TNK2: variants seen among roughly 807,000 people sequenced by gnomAD.
TNK2 encodes tyrosine kinase non receptor 2.
A neutral mutation model predicts 101.8 loss-of-function variants in TNK2; 83 were observed. That is an observed-to-expected ratio of 0.82 (90% CI 0.68 to 0.98). The LOEUF (loss-of-function observed/expected upper bound fraction) is 0.98, where lower values mean the gene tolerates loss of function less well. Ranked by LOEUF, TNK2 falls within the 50% of genes least tolerant of loss-of-function variation. The pLI, the probability that TNK2 is intolerant of heterozygous loss-of-function variation, is 0.00. For synonymous variants in TNK2, 804 were observed against 633.0 expected (o/e 1.27, Z -4.06); for missense variants, 1,665 against 1,483.2 (o/e 1.12, Z -2.01).
At chr3:195,870,519 G>A (rs1378190866) in intron 10 of TNK2, 1 of 715,620 alleles carries the variant, frequency 1.4e-6, no homozygotes, top group South Asian at 1.7e-5. Context: ...AGCGGCCAGA[G>A]GGCAGACACT....
chr3:195,881,585 A>AC (rs373595202), intron 6 of TNK2, among the ~76,000 whole-genome samples: 568 of 20,634 alleles, frequency 0.028, 32 homozygotes, highest in African/African-American at 0.11. Context: ...TCCCTGTAAC[A>AC]CCCCCCCAGC....
At chr3:195,893,954 A>AC (rs1759598835) in intron 1 of TNK2, among the ~76,000 whole-genome samples, 1 of 152,060 alleles carries the variant, frequency 6.6e-6, no homozygotes, top group African/African-American at 2.4e-5. Flanking sequence ...GGAGAAGGAC[A>AC]CCCCCAACTT....
Position 195,864,198 on chromosome 3 carries a change from G to A in TNK2, c.3162-11C>T. 1 of 1,614,006 alleles carries A rather than the reference G, an allele frequency of 6.2e-7. No individual in the cohort carries two copies. Among genetic ancestry groups the A allele is most frequent in the South Asian group, 1.1e-5 (1 of 91,080 alleles). ...GACGCATCTCAGCGCCTAGAGAATG[G>A]GAAACCACCAGCACAGTTAAACAGT... On this transcript the variant is annotated splice_polypyrimidine_tract_variant and intron_variant, in intron 15 of 15. Coordinates refer to ENST00000672887, the MANE Select transcript of TNK2 (RefSeq NM_001382273.1).
chr3:195,878,709 G>A lies in TNK2; in HGVS notation c.1015-117C>T, dbSNP rs1750782967. 7.0e-7 allele frequency: 1 copy of A among 1,433,292 alleles called. No homozygotes were observed. The allele number at this position is 1,433,292 out of a possible 1,614,324, so 88.8% of individuals were successfully genotyped here. ...GCTGCTGCCATGCCTGGCCTCCAAA[G>A]AAGGGATCTGCCTGCCTGGGAGGGG... On this transcript the variant is annotated intron_variant, in intron 7 of 15. Coordinates refer to ENST00000672887, the MANE Select transcript of TNK2 (RefSeq NM_001382273.1). The surrounding 1 kb of genome is among the most constrained non-coding windows in gnomAD (Gnocchi z 4.7).
At chr3:195,865,563 G>C (rs968326532) in intron 15 of TNK2, among the ~76,000 whole-genome samples, 5 of 146,474 alleles carry the variant, frequency 3.4e-5, no homozygotes, top group African/African-American at 1.0e-4. Flanking sequence ...AAATCAGTAA[G>C]AACCACCCGA....
chr3:195,877,679 G>A lies in TNK2; in HGVS notation c.1256+574C>T, dbSNP rs571420907. Among the ~76,000 whole-genome samples the A allele has an allele frequency of 2.6e-5, 4 of 152,294 alleles. No individual in the cohort carries two copies. The South Asian group carries it at 8.3e-4, about 32-fold the overall frequency. On this transcript the variant is annotated intron_variant, in intron 9 of 15. Transcript: ENST00000672887. ...CTCAGGGCAGGCGCTAGAACTGCGG[G>A]GGCTCAGGTGGAAGACAGGGACTCC...
rs774122803 is a variant in TNK2 at position 195,885,549 on chromosome 3, C to T, written c.235-516G>A. ...GGAGTCGGCTGCCCTTCATCCTGCC[C>T]AGGGGAGAGGATAATTTTAGTCTGA... On this transcript the variant is annotated intron_variant, in intron 3 of 15. Coordinates refer to ENST00000672887, the MANE Select transcript of TNK2 (RefSeq NM_001382273.1). This position sits in a 1 kb window ranked among gnomAD's most constrained non-coding sequence, Gnocchi z 4.7. 9 of 1,291,170 alleles carry T rather than the reference C, an allele frequency of 7.0e-6. No individual in the cohort carries two copies. Among genetic ancestry groups the T allele is most frequent in the East Asian group, 1.1e-4 (2 of 18,078 alleles). The allele number at this position is 1,291,170 out of a possible 1,614,324, so 80.0% of individuals were successfully genotyped here. A position where few individuals can be genotyped will look rare whatever the true frequency, so the allele number is the denominator to read the frequency against.
At chr3:195,890,309 C>T (rs900689656) in intron 1 of TNK2, among the ~76,000 whole-genome samples, 3 of 152,170 alleles carry the variant, frequency 2.0e-5, no homozygotes, top group Admixed American at 6.5e-5. Context: ...GGGACAAGAG[C>T]GTGAGCTAGC....
At position 195,868,003 on chromosome 3, in the gene TNK2, C is replaced by A. The variant is rs562412914; in HGVS notation, c.2295G>T (p.Thr765=). 6.4e-7 allele frequency: 1 copy of A among 1,569,006 alleles called. No homozygotes were observed. Among genetic ancestry groups the A allele is most frequent in the African/African-American group, 1.4e-5 (1 of 73,952 alleles). ...PPRVPIPPRP[T]RPHVQLSPAP... ...CTGGAGACAGCTGGACGTGTGGGCG[C>A]GTGGGCCGAGGGGGGATGGGTACCC... The change falls in exon 13 of 16, where the codon ACG becomes ACT. Residue 765 remains threonine (T), a synonymous_variant. Coordinates refer to ENST00000672887, the MANE Select transcript of TNK2 (RefSeq NM_001382273.1).
At chr3:195,897,905 A>T (rs1306776218) in intron 1 of TNK2, among the ~76,000 whole-genome samples, 1 of 147,376 alleles carries the variant, frequency 6.8e-6, no homozygotes, top group Non-Finnish European at 1.5e-5. Flanking sequence ...TTCTCCACTG[A>T]TGCTGTGCTC....
intron 6 of TNK2, among the ~76,000 whole-genome samples, chr3:195,880,324 G>A (rs138222609): frequency 4.6e-5 from 7 of 152,208 alleles, no homozygotes; most frequent in African/African-American, 9.6e-5. Flanking sequence ...TTTCCCTGGC[G>A]AACTTCCCTG....
rs142308594 is a variant in TNK2, at chr3:195,888,469, G to A, written c.120C>T (p.Tyr40=). The change falls in exon 2 of 16, where the codon TAC becomes TAT. Residue 40 remains tyrosine, a synonymous_variant. Transcript: ENST00000672887. The surrounding 1 kb of genome is among the most constrained non-coding windows in gnomAD (Gnocchi z 5.3). ...LNVTRLSHFE[Y]VKNEDLEKIG... is the part of the protein sequence containing the mutation. ...TCTTCTCCAGGTCCTCATTCTTGACGTACTCAAAGTGGGACAGGCGGGTGA... is the reference window on the plus strand; with the variant it reads ...TCTTCTCCAGGTCCTCATTCTTGACATACTCAAAGTGGGACAGGCGGGTGA... 320 of 1,613,868 alleles carry A rather than the reference G, an allele frequency of 2.0e-4. 3 individuals carry two copies. Among genetic ancestry groups the A allele is most frequent in the Middle Eastern group, 3.3e-4 (2 of 6,070 alleles).
chr3:195,870,610 C>G (rs1744454857), intron 10 of TNK2, among the ~76,000 whole-genome samples: 1 of 152,220 alleles, frequency 6.6e-6, no homozygotes, highest in Admixed American at 6.5e-5. Flanking sequence ...CAGGAGGCAC[C>G]CTTCTGCCAC....
At chr3:195,890,992 A>G (rs1758202197) in intron 1 of TNK2, among the ~76,000 whole-genome samples, 1 of 152,212 alleles carries the variant, frequency 6.6e-6, no homozygotes, top group Non-Finnish European at 1.5e-5. Flanking sequence ...TACATAAAAT[A>G]TTATTACCTT....
intron 9 of TNK2, among the ~76,000 whole-genome samples, chr3:195,874,531 A>C (rs1747801851): frequency 6.7e-6 from 1 of 150,062 alleles, no homozygotes; most frequent in South Asian, 2.1e-4. Context: ...AGGCACAAGA[A>C]ACTCCCCCTC....
At chr3:195,871,826 C>A (rs1400690623) in intron 10 of TNK2, among the ~76,000 whole-genome samples, 1 of 152,184 alleles carries the variant, frequency 6.6e-6, no homozygotes, top group African/African-American at 2.4e-5. Flanking sequence ...ACCTGTTTCA[C>A]AGATGAAGTG....
intron 9 of TNK2, among the ~76,000 whole-genome samples, chr3:195,877,522 C>T (rs1750086950): frequency 6.6e-6 from 1 of 152,212 alleles, no homozygotes; most frequent in Admixed American, 6.5e-5. Context: ...GGGATTTCCT[C>T]CACTTCACTC....
chr3:195,874,492 C>T (rs144986514), intron 9 of TNK2, among the ~76,000 whole-genome samples: 1 of 151,516 alleles, frequency 6.6e-6, no homozygotes, highest in Non-Finnish European at 1.5e-5. Flanking sequence ...CAAGAAGCTC[C>T]CCTCGGGATG....
chr3:195,888,643 G>T lies in TNK2; in HGVS notation c.-18-37C>A, dbSNP rs368789003. The T allele has an allele frequency of 2.5e-6, 4 of 1,573,648 alleles. No homozygotes were observed. In the Admixed American group the frequency reaches 6.9e-5, roughly 27 times the overall value. On this transcript the variant is annotated intron_variant, in intron 1 of 15. Coordinates refer to ENST00000672887, the MANE Select transcript of TNK2 (RefSeq NM_001382273.1). This position sits in a 1 kb window ranked among gnomAD's most constrained non-coding sequence, Gnocchi z 5.3. ...GGAGTGGCTCAGGGACAAGGGTTGT[G>T]GGGGGACAACAGGGGCCTGCCCGAG... is the stretch of plus-strand genomic sequence containing the variant.
Sources: gnomAD v4.1 joint callset for allele counts (sites outside exome capture counted in the v4.1 genomes callset) on GRCh38, gnomAD v4.1.1 for gene constraint, Gnocchi (gnomAD v3.1) non-coding constraint, MANE v1.5 for transcripts, NCBI Gene and HGNC (gene_info 2026-07-23, HGNC 2026-07-21) for gene names.